PLA2G4E: variants seen among roughly 807,000 people sequenced by gnomAD.
PLA2G4E encodes phospholipase A2 group IVE.
A neutral mutation model predicts 109.1 loss-of-function variants in PLA2G4E; 84 were observed. The observed-to-expected ratio is 0.77, with a 90% CI of 0.65 to 0.92. PLA2G4E has a LOEUF of 0.92. Ranked by LOEUF, PLA2G4E falls within the 40% of genes least tolerant of loss-of-function variation. PLA2G4E has a pLI of 0.00. For synonymous variants in PLA2G4E, 469 were observed against 436.1 expected (o/e 1.08, Z -0.94); for missense variants, 1,057 against 1,076.6 (o/e 0.98, Z 0.25).
chr15:42,020,583 C>T (rs1469387721), intron 1 of PLA2G4E, among the ~76,000 whole-genome samples: 1 of 152,038 alleles, frequency 6.6e-6, no homozygotes, highest in African/African-American at 2.4e-5. Flanking sequence ...AGGGTTAAAT[C>T]CTGCTTGCCA....
In PLA2G4E at chr15:41,984,454, G is replaced by A. The variant is rs763944017; in HGVS notation, c.2368C>T (p.Arg790Ter). The stretch of plus-strand genomic sequence containing the variant: ...AGCTCACCTGGTGCCTTGTATTTTC[G>A]GAAAGTGTCATTGATGAGTGGGAAG... The change falls in exon 19 of 20, where the codon CGA (arginine) becomes TGA (stop). Residue 790 changes from arginine (R) to a stop codon, truncating the protein, a stop_gained. Transcript: ENST00000399518. LOFTEE classifies it high-confidence loss of function. 23 of 1,613,112 alleles carry A rather than the reference G, an allele frequency of 1.4e-5. No individual in the cohort carries two copies. In the Admixed American group the frequency reaches 1.7e-4, roughly 12 times the overall value.
intron 2 of PLA2G4E, among the ~76,000 whole-genome samples, chr15:42,012,101 C>G (rs2068542286): frequency 6.6e-6 from 1 of 152,218 alleles, no homozygotes; most frequent in South Asian, 2.1e-4. Context: ...GAGGCTCTGT[C>G]TCTGGAATCC....
chr15:41,995,509 A>G lies in PLA2G4E; in HGVS notation c.1111-13T>C. 6.2e-7 allele frequency: 1 copy of G among 1,610,674 alleles called. No homozygotes were observed. Among genetic ancestry groups the G allele is most frequent in the South Asian group, 1.1e-5 (1 of 91,032 alleles). The stretch of plus-strand genomic sequence containing the variant: ...CTATCAGCGGCACCTGGGGTTACAC[A>G]GAGGCAGGCGGTTGGGGAAGGCTCC... On this transcript the variant is annotated splice_polypyrimidine_tract_variant and intron_variant, in intron 11 of 19. Coordinates refer to ENST00000399518, the Ensembl canonical transcript of PLA2G4E.
chr15:41,983,508 C>A (rs977547747), exon 20 of PLA2G4E: 3 of 504,066 alleles, frequency 6.0e-6, no homozygotes, highest in South Asian at 2.9e-5. Context: ...ATGAGACCAC[C>A]TTCTCTATAG....
At chr15:41,999,620 A>T in intron 9 of PLA2G4E, 59 bp from the exon 10 acceptor site, 1 of 1,590,808 alleles carries the variant, frequency 6.3e-7, no homozygotes, top group Non-Finnish European at 8.6e-7. Context: ...AAGTGATCCC[A>T]GATCCACACT....
chr15:41,989,657 C>A, intron 14 of PLA2G4E, 105 bp from the exon 15 acceptor site: 1 of 1,446,880 alleles, frequency 6.9e-7, no homozygotes, highest in Non-Finnish European at 9.2e-7. Flanking sequence ...CTTGGAAAGC[C>A]TGGGACAGGG....
chr15:42,047,904 T>A (rs1595581809), intron 1 of PLA2G4E, among the ~76,000 whole-genome samples: 1 of 152,208 alleles, frequency 6.6e-6, no homozygotes, highest in African/African-American at 2.4e-5. Flanking sequence ...TAGAATATTA[T>A]TTAGCCACTA....
At chr15:41,981,637 C>A (rs988423168) in exon 20 of PLA2G4E, 11 of 152,228 alleles carry the variant, frequency 7.2e-5, no homozygotes, top group African/African-American at 2.7e-4. Context: ...TTTTATAAAC[C>A]TCGTTTCACA....
intron 1 of PLA2G4E, among the ~76,000 whole-genome samples, chr15:42,036,766 G>A (rs1279956075): frequency 6.6e-6 from 1 of 152,172 alleles, no homozygotes; most frequent in African/African-American, 2.4e-5. Flanking sequence ...TGCATGCTCC[G>A]CGGAGCTGGC....
Position 41,988,071 on chromosome 15 carries a change from TGTCCACC to T in PLA2G4E, c.1802_1808del (p.Arg601LysfsTer29). 1 of 1,606,384 alleles carries T rather than the reference TGTCCACC, an allele frequency of 6.2e-7. No individual in the cohort carries two copies. ...CACCGATGTCCTGCACTTTCTCCCT[TGTCCACC>T]TGTGGAAAAACTCCTCCGAGGTGTG... On this transcript the variant is annotated frameshift_variant, in exon 16 of 20. Coordinates refer to ENST00000399518, the Ensembl canonical transcript of PLA2G4E. LOFTEE classifies it high-confidence loss of function.
intron 16 of PLA2G4E, 91 bp from the exon 17 acceptor site, chr15:41,987,466 G>A: frequency 8.1e-7 from 1 of 1,237,238 alleles, no homozygotes; most frequent in Non-Finnish European, 1.1e-6. Context: ...CTGGCACCCA[G>A]GGGTGAGCAC....
intron 13 of PLA2G4E, among the ~76,000 whole-genome samples, chr15:41,992,289 C>T (rs1392657003): frequency 6.6e-6 from 1 of 152,188 alleles, no homozygotes; most frequent in Non-Finnish European, 1.5e-5. Flanking sequence ...CGCGGGACTC[C>T]TGTGACAGCC....
rs541440452 is a variant in PLA2G4E at position 42,040,692 on chromosome 15, C to G, written c.183+9829G>C. On this transcript the variant is annotated intron_variant, in intron 1 of 19. Transcript: ENST00000399518. Reference sequence around the variant, plus strand: ...TACTGAAATGCAAACAACATAAAAACTGACAAAAGATATAAACAGGCAATT... The same window carrying G: ...TACTGAAATGCAAACAACATAAAAAGTGACAAAAGATATAAACAGGCAATT... Among the ~76,000 whole-genome samples, 11 of 152,300 alleles carry G rather than the reference C, an allele frequency of 7.2e-5. 1 individual carries two copies. In the East Asian group the frequency reaches 7.7e-4, roughly 11 times the overall value.
intron 2 of PLA2G4E, among the ~76,000 whole-genome samples, chr15:42,013,440 C>T (rs1031642438): frequency 1.2e-4 from 19 of 152,156 alleles, no homozygotes; most frequent in Admixed American, 1.2e-3. Context: ...GGGCAGGTAG[C>T]GCCGAGGGAA....
Position 42,013,671 on chromosome 15 carries a change from A to T in PLA2G4E, c.256+14T>A. The T allele has an allele frequency of 1.9e-6, 3 of 1,546,630 alleles. No individual in the cohort carries two copies. The South Asian group carries it at 3.6e-5, about 18-fold the overall frequency. On this transcript the variant is annotated intron_variant, in intron 2 of 19. Coordinates refer to ENST00000399518, the Ensembl canonical transcript of PLA2G4E. ...CGGTAAGCAGAGAAGGAGAGAAGTG[A>T]GGTGGATACTCACGCATATCAGCCT... is the stretch of plus-strand genomic sequence containing the variant.
At chr15:42,017,633 G>C (rs2068609121) in intron 1 of PLA2G4E, among the ~76,000 whole-genome samples, 1 of 152,046 alleles carries the variant, frequency 6.6e-6, no homozygotes, top group South Asian at 2.1e-4. Context: ...CAGTTTACTT[G>C]GCAAACAGGA....
At chr15:41,991,978 G>A (rs1426707379) in intron 13 of PLA2G4E, among the ~76,000 whole-genome samples, 5 of 152,166 alleles carry the variant, frequency 3.3e-5, no homozygotes, top group African/African-American at 1.2e-4. Context: ...TGTGCCATGT[G>A]TCCAGGAAAA....
chr15:41,987,707 C>T (rs2068165860), intron 16 of PLA2G4E, among the ~76,000 whole-genome samples: 1 of 152,172 alleles, frequency 6.6e-6, no homozygotes, highest in South Asian at 2.1e-4. Flanking sequence ...GCCTCCAGGC[C>T]TTGGCGCTGG....
rs757969355 is a variant in PLA2G4E at position 41,989,548 on chromosome 15, C to G, written c.1590G>C (p.Trp530Cys). The change falls in exon 15 of 20, where the codon TGG (tryptophan) becomes TGC (cysteine). Residue 530 changes from tryptophan to cysteine, a missense_variant. Trp to Cys is a radical substitution (Grantham distance 215). Coordinates refer to ENST00000399518, the Ensembl canonical transcript of PLA2G4E. Reference sequence around the variant, plus strand: ...CCACCTCGTAGGGGGAGAACTCGAACCACTCTGCACATGAAGCAGCAGGAC... The same window carrying G: ...CCACCTCGTAGGGGGAGAACTCGAAGCACTCTGCACATGAAGCAGCAGGAC... 3.7e-6 allele frequency: 6 copies of G among 1,613,126 alleles called. No individual in the cohort carries two copies. The African/African-American group carries it at 8.0e-5, about 22-fold the overall frequency.
Sources: allele counts gnomAD v4.1 joint callset (sites outside exome capture counted in the v4.1 genomes callset), GRCh38; gene constraint gnomAD v4.1.1; transcripts MANE v1.5; gene names NCBI Gene and HGNC (gene_info 2026-07-23, HGNC 2026-07-21).